Variants in XRCC6 observed in about 807,000 individuals in gnomAD.
XRCC6 encodes X-ray repair cross complementing 6.
XRCC6 carries 5 observed loss-of-function variants against 65.7 expected under a neutral mutation model. The observed-to-expected ratio is 0.08, with a 90% CI of 0.04 to 0.16. The LOEUF (loss-of-function observed/expected upper bound fraction) is 0.16, where lower values mean the gene tolerates loss of function less well. Ranked by LOEUF, XRCC6 falls within the 10% of genes least tolerant of loss-of-function variation. The pLI, the probability that XRCC6 is intolerant of heterozygous loss-of-function variation, is 1.00. For missense variants in XRCC6, 447 were observed against 738.1 expected, an observed-to-expected ratio of 0.61 and a Z score of 4.57; for synonymous variants, 270 against 270.6, an observed-to-expected ratio of 1.00 and a Z score of 0.02.
intron 2 of XRCC6, among the ~76,000 whole-genome samples, chr22:41,622,931 T>C (rs1360927764): frequency 6.8e-6 from 1 of 147,872 alleles, no homozygotes; most frequent in Non-Finnish European, 1.5e-5. Flanking sequence ...GGTGACAGAA[T>C]GAGACTCTCT....
intron 8 of XRCC6, among the ~76,000 whole-genome samples, chr22:41,652,464 C>T (rs574483089): frequency 2.0e-5 from 3 of 151,588 alleles, no homozygotes; most frequent in African/African-American, 7.3e-5. Flanking sequence ...CTCCCAGGCT[C>T]AGGTGATTTC....
At chr22:41,626,831 A>G (rs2067681010) in intron 2 of XRCC6, among the ~76,000 whole-genome samples, 1 of 151,392 alleles carries the variant, frequency 6.6e-6, no homozygotes, top group African/African-American at 2.4e-5. Flanking sequence ...TAGCAGAGAC[A>G]GGGTTTCACC....
At position 41,636,531 on chromosome 22, in the gene XRCC6, T is replaced by C; in HGVS notation, c.350T>C (p.Leu117Pro). The C allele has an allele frequency of 1.9e-6, 3 of 1,613,976 alleles. No individual in the cohort carries two copies. Among genetic ancestry groups the C allele is most frequent in the Non-Finnish European group, 2.5e-6 (3 of 1,179,854 alleles). ...CTCTGATCAGGTGCAAAACGAATTC[T>C]AGAGCTTGACCAGTTTAAGGGGCAG... ...ELDNPGAKRILELDQFKGQQG... is the reference protein window; with the variant it reads ...ELDNPGAKRIPELDQFKGQQG... The change falls in exon 5 of 13, where the codon CTA (leucine) becomes CCA (proline). Residue 117 changes from leucine (L) to proline (P), a missense_variant. Around this residue, in one of 4 missense-constraint regions of XRCC6, gnomAD observed 228 missense variants for 307.4 expected, o/e 0.74. Transcript: ENST00000360079.
At chr22:41,662,964 C>T (rs1196447743) in intron 12 of XRCC6, among the ~76,000 whole-genome samples, 1 of 151,998 alleles carries the variant, frequency 6.6e-6, no homozygotes, top group East Asian at 1.9e-4. Flanking sequence ...GCCTGTAGTC[C>T]CAACTACCTG....
intron 4 of XRCC6, 96 bp downstream of exon 4, chr22:41,636,347 G>C: frequency 6.7e-6 from 10 of 1,501,566 alleles, no homozygotes; most frequent in Non-Finnish European, 8.9e-6. Flanking sequence ...GTTACATCTT[G>C]TCTAGGAGTA....
intron 3 of XRCC6, among the ~76,000 whole-genome samples, chr22:41,634,944 G>A (rs1297731948): frequency 6.6e-6 from 1 of 152,148 alleles, no homozygotes; most frequent in East Asian, 1.9e-4. Flanking sequence ...GTCTTTAACT[G>A]GGTAGTTAAA....
chr22:41,641,407 A>G (rs1356291910), intron 6 of XRCC6, among the ~76,000 whole-genome samples: 1 of 152,196 alleles, frequency 6.6e-6, no homozygotes, highest in Non-Finnish European at 1.5e-5. Context: ...CGTAATAATT[A>G]CATCAGCATA....
In XRCC6 at chr22:41,637,586, C is replaced by T. The variant is rs765482686; in HGVS notation, c.590-22C>T. 1.1e-4 allele frequency: 165 copies of T among 1,526,300 alleles called. No homozygotes were observed. Among genetic ancestry groups the T allele is most frequent in the Non-Finnish European group, 1.3e-4 (153 of 1,136,410 alleles). 94.5% of individuals were successfully genotyped at this position (1,526,300 alleles called of 1,614,324 possible). ...CTGAAAATTGTTTTTTCCTCCCTCA[C>T]TTTTGTTTACCCTTGCAACAGGCAT... On this transcript the variant is annotated intron_variant, in intron 5 of 12. Transcript: ENST00000360079.
At chr22:41,662,067 G>GC (rs1023627600) in intron 12 of XRCC6, among the ~76,000 whole-genome samples, 2 of 152,160 alleles carry the variant, frequency 1.3e-5, no homozygotes, top group Admixed American at 1.3e-4. Context: ...GTTACCAGAG[G>GC]CTGAGAAGGG....
intron 6 of XRCC6, among the ~76,000 whole-genome samples, chr22:41,640,117 G>A (rs1400258697): frequency 1.3e-5 from 2 of 151,852 alleles, no homozygotes; most frequent in African/African-American, 4.8e-5. Context: ...CCTGGGCTCA[G>A]GCAGTCTTCT....
intron 6 of XRCC6, among the ~76,000 whole-genome samples, chr22:41,639,859 C>T (rs183455373): frequency 4.0e-5 from 6 of 151,304 alleles, no homozygotes; most frequent in Admixed American, 1.3e-4. Flanking sequence ...ACGGTTTCAC[C>T]GTGTTAGCCA....
Position 41,636,728 on chromosome 22 carries a change from G to A in XRCC6, c.547G>A (p.Ala183Thr). 1 of 1,614,174 alleles carries A rather than the reference G, an allele frequency of 6.2e-7. No homozygotes were observed. Among genetic ancestry groups the A allele is most frequent in the South Asian group, 1.1e-5 (1 of 91,082 alleles). ...CCCCCATGGCAATGACAGTGCCAAA[G>A]CCAGCCGGGCCAGGACCAAAGCCGG... Reference protein sequence around the residue: ...DNPHGNDSAKASRARTKAGDL... With the variant: ...DNPHGNDSAKTSRARTKAGDL... Residue 183 changes from alanine to threonine, a missense_variant, in exon 5 of 13, where the codon GCC (alanine) becomes ACC (threonine). Physicochemically the swap from Ala to Thr is moderately conservative, Grantham distance 58. Coordinates refer to ENST00000360079, the MANE Select transcript of XRCC6 (RefSeq NM_001469.5).
At chr22:41,634,695 C>G (rs746816558) in intron 3 of XRCC6, among the ~76,000 whole-genome samples, 1 of 152,144 alleles carries the variant, frequency 6.6e-6, no homozygotes, top group Non-Finnish European at 1.5e-5. Flanking sequence ...CAGGCACGTG[C>G]TACCACATCC....
chr22:41,655,549 A>G (rs1324266594), intron 9 of XRCC6, among the ~76,000 whole-genome samples: 2 of 151,980 alleles, frequency 1.3e-5, no homozygotes, highest in African/African-American at 4.8e-5. Context: ...CTAAAAATAC[A>G]AAATTAGCCA....
intron 9 of XRCC6, among the ~76,000 whole-genome samples, chr22:41,655,170 G>T (rs1044830904): frequency 6.6e-6 from 1 of 152,120 alleles, no homozygotes; most frequent in African/African-American, 2.4e-5. Context: ...TGGCAGTTTG[G>T]ATATACTAAA....
In XRCC6 at chr22:41,632,635, A is replaced by G. The variant is rs529212000; in HGVS notation, c.196-3478A>G. ...CAAGAAAACAAGAAATAGTTCTTGT[A>G]GTTGGCACACCAGAATATCTTGCAC... On this transcript the variant is annotated intron_variant, in intron 3 of 12. Coordinates refer to ENST00000360079, the MANE Select transcript of XRCC6 (RefSeq NM_001469.5). 3.3e-5 allele frequency among the ~76,000 whole-genome samples: 5 copies of G among 152,002 alleles called. No homozygotes were observed. The South Asian group carries it at 1.0e-3, about 32-fold the overall frequency.
intron 7 of XRCC6, among the ~76,000 whole-genome samples, chr22:41,649,139 A>ATATATATATATATATATATATATATAT (rs1555906701): frequency 1.4e-4 from 12 of 88,698 alleles, no homozygotes; most frequent in Admixed American, 3.5e-4. Context: ...AAAAAAAAAA[A>ATATATATATATATATATATATATATAT]ATATATATAT....
intron 2 of XRCC6, among the ~76,000 whole-genome samples, chr22:41,625,778 A>G (rs2067663030): frequency 6.6e-6 from 1 of 152,216 alleles, no homozygotes; most frequent in Non-Finnish European, 1.5e-5. Context: ...GCAGTGAGCT[A>G]TGATTGCGCC....
rs2068020344 is a variant in XRCC6 at position 41,653,607 on chromosome 22, G to A, written c.1208G>A (p.Arg403His). The A allele has an allele frequency of 1.9e-6, 3 of 1,614,050 alleles. No homozygotes were observed. The highest frequency in any genetic ancestry group is 1.7e-6 in the Non-Finnish European group (2 of 1,180,000). The change falls in exon 9 of 13, where the codon CGC (arginine) becomes CAC (histidine). Residue 403 changes from arginine to histidine, a missense_variant. Around this residue, in one of 4 missense-constraint regions of XRCC6, gnomAD observed 201 missense variants for 374.1 expected, o/e 0.54. Transcript: ENST00000360079. ...EVAALCRYTP[R>H]RNIPPYFVAL... is the part of the protein sequence containing the mutation. ...GCAGCATTGTGCAGATACACACCCC[G>A]CAGGAACATCCCTCCTTATTTTGTG... is the stretch of plus-strand genomic sequence containing the variant.
Sources: gnomAD v4.1 joint callset for allele counts (sites outside exome capture counted in the v4.1 genomes callset) on GRCh38, gnomAD v4.1.1 for gene constraint, gnomAD v4.1.1 regional missense constraint, MANE v1.5 for transcripts, NCBI Gene and HGNC (gene_info 2026-07-23, HGNC 2026-07-21) for gene names.